The following MUSK variants were observed in gnomAD, a reference collection of about 807,000 sequenced individuals.
MUSK encodes the protein muscle, skeletal receptor tyrosine-protein kinase.
In MUSK, 55 loss-of-function variants were observed where a neutral mutation model predicts 88.7. That is an observed-to-expected ratio of 0.62 (90% CI 0.50 to 0.78). The LOEUF is 0.78. Among genes scored for constraint, MUSK ranks in the 30% least tolerant of loss-of-function variants. The probability of loss-of-function intolerance (pLI) is 0.00; values close to 1 mark genes in which losing one functional copy is unlikely to be tolerated. For synonymous variants in MUSK, 387 were observed against 391.9 expected, an observed-to-expected ratio of 0.99 and a Z score of 0.15; for missense variants, 1,015 against 1,074.3, an observed-to-expected ratio of 0.94 and a Z score of 0.77.
intron 6 of MUSK, among the ~76,000 whole-genome samples, chr9:110,747,266 C>T (rs912993145): frequency 9.2e-5 from 14 of 152,164 alleles, no homozygotes; most frequent in African/African-American, 3.4e-4. Flanking sequence ...CCACCTGGGG[C>T]AGAGGGGATA....
intron 8 of MUSK, among the ~76,000 whole-genome samples, chr9:110,764,219 G>T (rs1314899867): frequency 6.6e-6 from 1 of 152,208 alleles, no homozygotes; most frequent in Non-Finnish European, 1.5e-5. Context: ...AACAGGACCA[G>T]CTGCTTCTAG....
At chr9:110,764,567 C>A (rs2077446610) in intron 8 of MUSK, among the ~76,000 whole-genome samples, 1 of 151,168 alleles carries the variant, frequency 6.6e-6, no homozygotes, top group Non-Finnish European at 1.5e-5. Context: ...TAAACAAATT[C>A]AGATATATAT....
In MUSK at chr9:110,785,373, T is replaced by TA. The variant is rs529424752; in HGVS notation, c.1587-153dup. Among the ~76,000 whole-genome samples the TA allele has an allele frequency of 4.9e-3, 740 of 152,324 alleles. 5 individuals carry two copies. The highest frequency in any genetic ancestry group is 0.017 in the African/African-American group (687 of 41,576). ...CCTTTTGACTCTAGACCAAACAAAA[T>TA]ATTTTATTGCTCTCAAAACGAAGGA... On this transcript the variant is annotated intron_variant, in intron 12 of 14. Coordinates refer to ENST00000374448, the MANE Select transcript of MUSK (RefSeq NM_005592.4).
At chr9:110,694,300 G>T (rs1438018897) in intron 3 of MUSK, among the ~76,000 whole-genome samples, 2 of 147,396 alleles carry the variant, frequency 1.4e-5, no homozygotes, top group Admixed American at 1.4e-4. Flanking sequence ...GCAGGACAAT[G>T]GCATGAACCC....
chr9:110,681,053 T>TATAATATATATA (rs2076112261), intron 1 of MUSK, among the ~76,000 whole-genome samples: 1 of 36,370 alleles, frequency 2.7e-5, no homozygotes, highest in Non-Finnish European at 4.4e-5. Context: ...ATATATATTA[T>TATAATATATATA]ATATTATATA....
At chr9:110,678,429 C>A (rs1339870120) in intron 1 of MUSK, among the ~76,000 whole-genome samples, 3 of 152,106 alleles carry the variant, frequency 2.0e-5, no homozygotes, top group South Asian at 2.1e-4. Context: ...CAGGTATGAG[C>A]CACTGCACCT....
chr9:110,701,048 A>G (rs975009703), intron 5 of MUSK, among the ~76,000 whole-genome samples: 12 of 152,172 alleles, frequency 7.9e-5, no homozygotes, highest in African/African-American at 2.7e-4. Flanking sequence ...TATGGTCTCT[A>G]TTTCCTCTAG....
intron 14 of MUSK, among the ~76,000 whole-genome samples, chr9:110,799,100 A>T (rs1037499823): frequency 6.6e-6 from 1 of 152,194 alleles, no homozygotes; most frequent in African/African-American, 2.4e-5. Context: ...AGTATTATCC[A>T]GTTGGTATTT....
chr9:110,767,859 C>A lies in MUSK; in HGVS notation c.960C>A (p.Tyr320Ter). The change falls in exon 9 of 15, where the codon TAC (tyrosine) becomes TAA (stop). Residue 320 changes from tyrosine (Y) to a stop codon, truncating the protein, a stop_gained. Transcript: ENST00000374448. LOFTEE classifies it high-confidence loss of function. ...QKDNKGYCAQ[Y>*]RGEVCNAVLA... ...ATAACAAAGGCTACTGCGCCCAGTA[C>A]AGAGGGGAGGTGTGTAATGCAGTCC... 10 of 1,613,972 alleles carry A rather than the reference C, an allele frequency of 6.2e-6. No homozygotes were observed. The highest frequency in any genetic ancestry group is 8.5e-6 in the Non-Finnish European group (10 of 1,179,876).
chr9:110,729,857 C>T (rs1457767900), intron 5 of MUSK, among the ~76,000 whole-genome samples: 3 of 152,018 alleles, frequency 2.0e-5, no homozygotes, highest in Admixed American at 2.0e-4. Context: ...AGCCAAACCA[C>T]TCATTTATTT....
intron 11 of MUSK, among the ~76,000 whole-genome samples, chr9:110,777,498 G>A (rs1217549915): frequency 6.6e-6 from 1 of 152,024 alleles, no homozygotes; most frequent in Non-Finnish European, 1.5e-5. Flanking sequence ...TAAACAAGAA[G>A]AGTTATGGAA....
intron 7 of MUSK, among the ~76,000 whole-genome samples, chr9:110,750,323 AG>A (rs1439057929): frequency 6.6e-6 from 1 of 152,140 alleles, no homozygotes; most frequent in Non-Finnish European, 1.5e-5. Flanking sequence ...ATTTGTATTT[AG>A]GCAGTGGTGT....
chr9:110,800,597 A>C lies in MUSK; in HGVS notation c.2219A>C (p.Lys740Thr). Residue 740 changes from lysine (K) to threonine (T), a missense_variant, in exon 15 of 15, where the codon AAA becomes ACA. Physicochemically the swap from Lys to Thr is moderately conservative, Grantham distance 78. Coordinates refer to ENST00000374448, the MANE Select transcript of MUSK (RefSeq NM_005592.4). ...NCLVGENMVV[K>T]IADFGLSRNI... ...CTGGTGGGCGAGAACATGGTGGTGA[A>C]AATTGCCGACTTTGGCCTCTCCAGG... The C allele has an allele frequency of 6.2e-7, 1 of 1,613,818 alleles. No individual in the cohort carries two copies. Among genetic ancestry groups the C allele is most frequent in the Non-Finnish European group, 8.5e-7 (1 of 1,179,870 alleles).
At chr9:110,687,043 G>A (rs564153883) in intron 2 of MUSK, 74 bp from the exon 3 acceptor site, 119 of 1,464,662 alleles carry the variant, frequency 8.1e-5, no homozygotes, top group African/African-American at 3.5e-4. Context: ...ACAAGTCATC[G>A]GTTTGATACA....
chr9:110,697,063 T>C (rs1030415576), intron 4 of MUSK, among the ~76,000 whole-genome samples: 3 of 148,260 alleles, frequency 2.0e-5, no homozygotes, highest in Non-Finnish European at 4.5e-5. Context: ...ATATTATATA[T>C]ATAATATATA....
chr9:110,741,049 G>A (rs148913150), intron 6 of MUSK, among the ~76,000 whole-genome samples: 3 of 152,224 alleles, frequency 2.0e-5, no homozygotes, highest in South Asian at 4.2e-4. Flanking sequence ...ATTAAGTACT[G>A]TAGATGTAAT....
At chr9:110,675,455 T>TCC (rs36172825) in intron 1 of MUSK, among the ~76,000 whole-genome samples, 74,829 of 149,726 alleles carry the variant, frequency 0.5, 19,069 homozygotes, top group African/African-American at 0.57. Context: ...TCTCCTGACC[T>TCC]CGTGATCCGC....
intron 3 of MUSK, among the ~76,000 whole-genome samples, chr9:110,689,117 ATT>A (rs1424280337): frequency 7.4e-6 from 1 of 135,200 alleles, no homozygotes; most frequent in East Asian, 2.2e-4. Context: ...TTTATAATTT[ATT>A]TATATAAACT....
intron 1 of MUSK, 69 bp from the exon 2 acceptor site, chr9:110,682,605 G>C: frequency 6.5e-7 from 1 of 1,530,930 alleles, no homozygotes; most frequent in Non-Finnish European, 8.9e-7. Context: ...AATGGCTTCT[G>C]ACTGCTTAAG....
Sources: allele counts gnomAD v4.1 joint callset (sites outside exome capture counted in the v4.1 genomes callset), GRCh38; gene constraint gnomAD v4.1.1; transcripts MANE v1.5; gene names NCBI Gene and HGNC (gene_info 2026-07-23, HGNC 2026-07-21).